Variants in FBXL17 observed in about 807,000 individuals in gnomAD.
The protein encoded by FBXL17 is F-box/LRR-repeat protein 17.
A neutral mutation model predicts 66.2 loss-of-function variants in FBXL17; 22 were observed. That is an observed-to-expected ratio of 0.33 (90% confidence interval 0.24 to 0.47). FBXL17 has a LOEUF of 0.47. FBXL17 is among the 20% of genes least tolerant of loss of function. The pLI is 1.00. For synonymous variants in FBXL17, 474 were observed against 400.5 expected (o/e 1.18, Z -2.19); for missense variants, 878 against 948.2 (o/e 0.93, Z 0.97).
At chr5:107,957,351 C>T (rs1180762708) in intron 7 of FBXL17, among the ~76,000 whole-genome samples, 1 of 151,752 alleles carries the variant, frequency 6.6e-6, no homozygotes, top group Non-Finnish European at 1.5e-5. Context: ...AGTTCTAACA[C>T]TGGAATGGAG....
chr5:108,236,958 C>T (rs58899755), intron 4 of FBXL17, among the ~76,000 whole-genome samples: 8,682 of 152,126 alleles, frequency 0.057, 819 homozygotes, highest in African/African-American at 0.2. Flanking sequence ...CATATAGATT[C>T]GGGTTAGGAG....
At chr5:107,920,570 T>C (rs1750281408) in intron 7 of FBXL17, among the ~76,000 whole-genome samples, 1 of 152,224 alleles carries the variant, frequency 6.6e-6, no homozygotes, top group African/African-American at 2.4e-5. Context: ...AATATGAATC[T>C]GAGAATATTT....
At chr5:108,049,462 C>T (rs1278229669) in intron 6 of FBXL17, among the ~76,000 whole-genome samples, 1 of 152,014 alleles carries the variant, frequency 6.6e-6, no homozygotes, top group African/African-American at 2.4e-5. Flanking sequence ...AATTTTCAAC[C>T]CAGAATTTCA....
At chr5:108,335,023 A>G (rs10072270) in intron 4 of FBXL17, among the ~76,000 whole-genome samples, 83,195 of 152,070 alleles carry the variant, frequency 0.55, 22,987 homozygotes, top group East Asian at 0.76. Flanking sequence ...AGGTAAAATC[A>G]AAAATAAATT....
At chr5:108,286,023 G>A (rs974074733) in intron 4 of FBXL17, among the ~76,000 whole-genome samples, 4 of 151,594 alleles carry the variant, frequency 2.6e-5, no homozygotes, top group African/African-American at 7.3e-5. Flanking sequence ...TCTTATAAAT[G>A]CAACTGAAAA....
At chr5:108,225,527 C>T (rs188310754) in intron 4 of FBXL17, among the ~76,000 whole-genome samples, 30 of 152,282 alleles carry the variant, frequency 2.0e-4, no homozygotes, top group African/African-American at 7.2e-4. Flanking sequence ...AGTTATGCTG[C>T]ACAAGCCAAG....
intron 3 of FBXL17, among the ~76,000 whole-genome samples, chr5:108,361,650 G>C (rs974570091): frequency 6.6e-6 from 1 of 152,076 alleles, no homozygotes; most frequent in African/African-American, 2.4e-5. Context: ...TCAATTGTAT[G>C]TCTCACCATA....
At chr5:108,312,734 AT>A (rs1437770224) in intron 4 of FBXL17, among the ~76,000 whole-genome samples, 2 of 152,176 alleles carry the variant, frequency 1.3e-5, no homozygotes, top group Admixed American at 1.3e-4. Flanking sequence ...GTCTCACTCT[AT>A]TATTGTCCAT....
At chr5:108,308,709 T>C (rs1758973588) in intron 4 of FBXL17, among the ~76,000 whole-genome samples, 1 of 152,148 alleles carries the variant, frequency 6.6e-6, no homozygotes, top group Admixed American at 6.6e-5. Context: ...ACTTCCTCCA[T>C]CCTTTACCTG....
chr5:108,344,830 C>T (rs1455788463), intron 4 of FBXL17, among the ~76,000 whole-genome samples: 1 of 152,114 alleles, frequency 6.6e-6, no homozygotes, highest in Non-Finnish European at 1.5e-5. Flanking sequence ...TTGTGGCATG[C>T]ACTATACAAA....
rs144394154 is a variant in FBXL17, at chr5:108,206,636, T to TA, written c.1614+17484dup. Reference sequence around the variant, plus strand: ...ACAGATGAAACAGAACTCTTTTTTTTATCTGGCTTGTTATACTCAGCAAAA... The same window carrying TA: ...ACAGATGAAACAGAACTCTTTTTTTTAATCTGGCTTGTTATACTCAGCAAAA... On this transcript the variant is annotated intron_variant, in intron 5 of 8. Transcript: ENST00000542267. Among the ~76,000 whole-genome samples, 249 of 152,284 alleles carry TA rather than the reference T, an allele frequency of 1.6e-3. 3 individuals are homozygous for TA. In the East Asian group the frequency reaches 0.03, roughly 18 times the overall value.
chr5:107,921,943 C>T (rs893904628), intron 7 of FBXL17, among the ~76,000 whole-genome samples: 1 of 152,156 alleles, frequency 6.6e-6, no homozygotes, highest in Non-Finnish European at 1.5e-5. Context: ...ACGTGGATAC[C>T]AAAGCTAATG....
At chr5:108,119,723 A>C (rs537799030) in intron 6 of FBXL17, among the ~76,000 whole-genome samples, 2 of 152,342 alleles carry the variant, frequency 1.3e-5, no homozygotes, top group South Asian at 4.1e-4. Context: ...TGTAAGGAGA[A>C]TACACAATCT....
chr5:108,032,702 C>T (rs1210062649), intron 6 of FBXL17, among the ~76,000 whole-genome samples: 6 of 152,184 alleles, frequency 3.9e-5, no homozygotes, highest in African/African-American at 1.4e-4. Context: ...GGATGACACC[C>T]TGATATTGGC....
At chr5:108,093,323 C>T (rs1580431257) in intron 6 of FBXL17, among the ~76,000 whole-genome samples, 1 of 151,956 alleles carries the variant, frequency 6.6e-6, no homozygotes, top group African/African-American at 2.4e-5. Context: ...GTTATGTTCC[C>T]CTGGAACTAC....
chr5:107,991,276 C>A (rs777660322), intron 7 of FBXL17, among the ~76,000 whole-genome samples: 141 of 152,292 alleles, frequency 9.3e-4, no homozygotes, highest in Non-Finnish European at 1.6e-3. Context: ...TGAGGAGATA[C>A]TGAATGCAGC....
At chr5:108,148,388 C>A (rs1250631445) in intron 6 of FBXL17, among the ~76,000 whole-genome samples, 1 of 152,178 alleles carries the variant, frequency 6.6e-6, no homozygotes, top group Non-Finnish European at 1.5e-5. Context: ...TCAAATATTT[C>A]TTTTGCCTTG....
intron 5 of FBXL17, among the ~76,000 whole-genome samples, chr5:108,210,409 T>A (rs1754315644): frequency 6.6e-6 from 1 of 152,236 alleles, no homozygotes. Context: ...TGTTAGGGTG[T>A]CAATTTTAGA....
chr5:108,266,661 A>G (rs1187851192), intron 4 of FBXL17, among the ~76,000 whole-genome samples: 2 of 152,168 alleles, frequency 1.3e-5, no homozygotes, highest in South Asian at 4.1e-4. Context: ...AAAATGGTAT[A>G]CTGAGGTTGC....
Sources: allele counts gnomAD v4.1 joint callset (sites outside exome capture counted in the v4.1 genomes callset), GRCh38; gene constraint gnomAD v4.1.1; transcripts MANE v1.5; gene names NCBI Gene and HGNC (gene_info 2026-07-23, HGNC 2026-07-21).